Variants in SWAP70 observed in about 807,000 individuals in gnomAD.
The protein encoded by SWAP70 is switching B cell complex subunit SWAP70, also known as switch-associated protein 70.
In SWAP70, 34 loss-of-function variants were observed where a neutral mutation model predicts 80.2. The observed-to-expected ratio is 0.42, with a 90% CI of 0.32 to 0.56. The LOEUF is 0.56. SWAP70 is among the 20% of genes least tolerant of loss of function. The pLI is 0.09. For missense variants in SWAP70, 578 were observed against 690.7 expected, an observed-to-expected ratio of 0.84 and a Z score of 1.83; for synonymous variants, 239 against 238.5, an observed-to-expected ratio of 1.00 and a Z score of -0.02.
At chr11:9,677,811 G>GA (rs1230118254) in intron 1 of SWAP70, among the ~76,000 whole-genome samples, 2 of 145,630 alleles carry the variant, frequency 1.4e-5, no homozygotes, top group Non-Finnish European at 3.0e-5. Context: ...AGATCTAAAT[G>GA]AAAAAAATTT....
At chr11:9,717,120 G>C (rs1242897307) in intron 3 of SWAP70, among the ~76,000 whole-genome samples, 1 of 152,198 alleles carries the variant, frequency 6.6e-6, no homozygotes, top group Non-Finnish European at 1.5e-5. Flanking sequence ...CAGTTTCGCT[G>C]TAGTGGTGGG....
At chr11:9,676,106 T>G (rs1358017209) in intron 1 of SWAP70, among the ~76,000 whole-genome samples, 1 of 152,246 alleles carries the variant, frequency 6.6e-6, no homozygotes, top group Non-Finnish European at 1.5e-5. Flanking sequence ...CAGAAACACA[T>G]TTTCTACTTG....
chr11:9,698,129 C>G (rs1295342748), intron 2 of SWAP70, among the ~76,000 whole-genome samples: 1 of 127,662 alleles, frequency 7.8e-6, no homozygotes, highest in African/African-American at 2.8e-5. Flanking sequence ...GAGACCAGGT[C>G]TCGCTCTGTC....
intron 1 of SWAP70, among the ~76,000 whole-genome samples, chr11:9,689,145 CAG>C (rs990370265): frequency 5.3e-5 from 8 of 152,240 alleles, no homozygotes; most frequent in Admixed American, 3.9e-4. Context: ...TAAAGGGAAA[CAG>C]TGTGTTACTG....
At chr11:9,715,379 A>G (rs548700276) in intron 3 of SWAP70, among the ~76,000 whole-genome samples, 2 of 152,278 alleles carry the variant, frequency 1.3e-5, no homozygotes, top group Admixed American at 1.3e-4. Context: ...TGTCCTATTT[A>G]CTGTACTGGC....
chr11:9,693,608 A>G (rs1435478598), intron 1 of SWAP70, among the ~76,000 whole-genome samples: 2 of 152,164 alleles, frequency 1.3e-5, no homozygotes, highest in African/African-American at 4.8e-5. Context: ...AGAGATTCCT[A>G]ATTAATATTT....
intron 8 of SWAP70, among the ~76,000 whole-genome samples, chr11:9,738,797 G>T (rs140953873): frequency 6.6e-6 from 1 of 151,912 alleles, no homozygotes; most frequent in Non-Finnish European, 1.5e-5. Flanking sequence ...GGAGTTCAAG[G>T]CTACTGTGAG....
chr11:9,702,411 GT>G (rs56100709), intron 2 of SWAP70, among the ~76,000 whole-genome samples: 3,927 of 147,436 alleles, frequency 0.027, 167 homozygotes, highest in African/African-American at 0.09. Flanking sequence ...GTTTTGTTTT[GT>G]TTTTTTTTTT....
rs529631592 is a variant in SWAP70, at chr11:9,724,865, A to G, written c.622A>G (p.Ile208Val). The G allele has an allele frequency of 6.2e-7, 1 of 1,608,048 alleles. No individual in the cohort carries two copies. The highest frequency in any genetic ancestry group is 1.3e-5 in the African/African-American group (1 of 74,938). ...AATTAATGAAGTCTTTAATGAACTT[A>G]TATTAGATGTGTTAAAGCAGGTAAG... is the stretch of plus-strand genomic sequence containing the variant. ...MAINEVFNELILDVLKQGYMM... is the reference protein window; with the variant it reads ...MAINEVFNELVLDVLKQGYMM... Residue 208 changes from isoleucine to valine, a missense_variant, in exon 4 of 12, where the codon ATA becomes GTA. By Grantham distance (29) the Ile-to-Val change is conservative (BLOSUM62 3). Transcript: ENST00000318950.
At chr11:9,681,654 C>T (rs780724072) in intron 1 of SWAP70, among the ~76,000 whole-genome samples, 12 of 152,014 alleles carry the variant, frequency 7.9e-5, no homozygotes, top group Non-Finnish European at 1.6e-4. Flanking sequence ...AGATATGTAC[C>T]CTCCCCTTGT....
chr11:9,680,604 A>C (rs1166922316), intron 1 of SWAP70, among the ~76,000 whole-genome samples: 1 of 151,894 alleles, frequency 6.6e-6, no homozygotes, highest in Non-Finnish European at 1.5e-5. Context: ...TTAGTAGAGA[A>C]AGGGTTTCAC....
Position 9,752,648 on chromosome 11 carries a change from C to T in SWAP70, c.*2678C>T, listed in dbSNP as rs1440560394. 6.6e-6 allele frequency: 1 copy of T among 152,150 alleles called. No homozygotes were observed. The highest frequency in any genetic ancestry group is 6.5e-5 in the Admixed American group (1 of 15,286). The allele number at this position is 152,150 out of a possible 1,614,324, so 9.4% of individuals were successfully genotyped here. The stretch of plus-strand genomic sequence containing the variant: ...ACTCTTGGTTTTACTTTTGTAATTA[C>T]TGTACAGAAAATTTCAAGAGTGTTT... On this transcript the variant is annotated 3_prime_UTR_variant, in exon 12 of 12. Transcript: ENST00000318950.
chr11:9,664,335 C>G, intron 1 of SWAP70, 57 bp downstream of exon 1: 1 of 1,500,418 alleles, frequency 6.7e-7, no homozygotes, highest in South Asian at 1.2e-5. Flanking sequence ...CTCTGTACTT[C>G]CCTTGGGTGG....
intron 5 of SWAP70, among the ~76,000 whole-genome samples, chr11:9,728,780 A>G (rs536617091): frequency 6.6e-6 from 1 of 152,332 alleles, no homozygotes; most frequent in Non-Finnish European, 1.5e-5. Context: ...CACATAAACT[A>G]TAATGTATTT....
chr11:9,743,119 A>G (rs1851464493), intron 9 of SWAP70, among the ~76,000 whole-genome samples: 1 of 136,946 alleles, frequency 7.3e-6, no homozygotes, highest in Non-Finnish European at 1.5e-5. Context: ...CTCATTGTTC[A>G]GTTCCCACCT....
chr11:9,679,665 A>T (rs1159258520), intron 1 of SWAP70, among the ~76,000 whole-genome samples: 2 of 151,806 alleles, frequency 1.3e-5, no homozygotes, highest in Admixed American at 6.6e-5. Context: ...TTATATTTTT[A>T]TTTATGTATT....
At chr11:9,744,290 G>A (rs548972109) in intron 9 of SWAP70, among the ~76,000 whole-genome samples, 1 of 152,270 alleles carries the variant, frequency 6.6e-6, no homozygotes, top group South Asian at 2.1e-4. Context: ...AATTACGATT[G>A]AAGTTTTTTA....
At chr11:9,688,075 AGGC>A (rs1360006595) in intron 1 of SWAP70, among the ~76,000 whole-genome samples, 1 of 151,908 alleles carries the variant, frequency 6.6e-6, no homozygotes, top group African/African-American at 2.4e-5. Context: ...GCCAAGTCTC[AGGC>A]CACAGTCTTT....
At chr11:9,702,628 C>T (rs993278962) in intron 2 of SWAP70, among the ~76,000 whole-genome samples, 2 of 151,936 alleles carry the variant, frequency 1.3e-5, no homozygotes, top group Non-Finnish European at 2.9e-5. Flanking sequence ...ACTATGTTGT[C>T]CAGGCTGGTC....
Sources: gnomAD v4.1 joint callset for allele counts (sites outside exome capture counted in the v4.1 genomes callset) on GRCh38, gnomAD v4.1.1 for gene constraint, MANE v1.5 for transcripts, NCBI Gene and HGNC (gene_info 2026-07-23, HGNC 2026-07-21) for gene names.